The following ULK2 variants were observed in gnomAD, a reference collection of about 807,000 sequenced individuals.
ULK2 encodes unc-51 like autophagy activating kinase 2.
Under a neutral mutation model 127.5 loss-of-function variants are expected in ULK2, and 76 were observed. The observed-to-expected ratio is 0.60, with a 90% CI of 0.50 to 0.72. ULK2 has a LOEUF of 0.72. ULK2 is among the 30% of genes least tolerant of loss of function. ULK2 has a pLI of 0.00. For missense variants in ULK2, 1,144 were observed against 1,295.9 expected (o/e 0.88, Z 1.80); for synonymous variants, 452 against 461.9 (o/e 0.98, Z 0.28).
At chr17:19,807,060 G>A (rs180791354) in intron 14 of ULK2, among the ~76,000 whole-genome samples, 5 of 152,286 alleles carry the variant, frequency 3.3e-5, no homozygotes, top group Admixed American at 3.3e-4. Context: ...GGAAAGCAAG[G>A]GTTCAGCTGG....
In ULK2 at chr17:19,827,123, T is replaced by C. The variant is rs2041316573; in HGVS notation, c.788-937A>G. Among the ~76,000 whole-genome samples the C allele has an allele frequency of 2.6e-5, 4 of 152,302 alleles. No individual in the cohort carries two copies. The South Asian group carries it at 8.3e-4, about 32-fold the overall frequency. On this transcript the variant is annotated intron_variant, in intron 10 of 26. Transcript: ENST00000395544. ...ATTTCCAACTACATGAACTTAATTTTAGTCCAACTTTACAAAACATTAAGA... is the reference window on the plus strand; with the variant it reads ...ATTTCCAACTACATGAACTTAATTTCAGTCCAACTTTACAAAACATTAAGA...
chr17:19,801,585 T>G (rs1242361822), intron 16 of ULK2, among the ~76,000 whole-genome samples, 192 bp downstream of exon 16: 1 of 151,668 alleles, frequency 6.6e-6, no homozygotes, highest in Non-Finnish European at 1.5e-5. Context: ...TTGTCTCAAA[T>G]AGAGAAAGAA....
At chr17:19,777,347 C>T (rs543526146) in intron 26 of ULK2, among the ~76,000 whole-genome samples, 3 of 152,284 alleles carry the variant, frequency 2.0e-5, no homozygotes, top group Admixed American at 6.5e-5. Context: ...TCAGGTGATC[C>T]GCCCACCTTG....
At chr17:19,842,200 T>C (rs1338631941) in intron 8 of ULK2, among the ~76,000 whole-genome samples, 2 of 145,624 alleles carry the variant, frequency 1.4e-5, no homozygotes, top group East Asian at 4.0e-4. Flanking sequence ...CTTTTTTTTT[T>C]TTTTTTTTTT....
At chr17:19,863,591 T>G (rs1207128554) in intron 3 of ULK2, among the ~76,000 whole-genome samples, 3 of 151,644 alleles carry the variant, frequency 2.0e-5, no homozygotes, top group Non-Finnish European at 2.9e-5. Flanking sequence ...CTTGAACTCC[T>G]GTGCTCAAGC....
chr17:19,795,755 G>C, intron 19 of ULK2, 30 bp from the exon 20 acceptor site: 1 of 1,594,876 alleles, frequency 6.3e-7, no homozygotes, highest in Non-Finnish European at 8.6e-7. Flanking sequence ...TTTTAATAAA[G>C]GAAAAGTATA....
Position 19,867,386 on chromosome 17 carries a change from T to C in ULK2, c.32A>G (p.Lys11Arg), listed in dbSNP as rs745460097. Reference protein sequence around the residue: MEVVGDFEYSKRDLVGHGAFA... With the variant: MEVVGDFEYSRRDLVGHGAFA... ...GGCCCCGTGTCCCACGAGATCCCTC[T>C]TGCTGTACTCGAAGTCACCCACCAC... The change falls in exon 1 of 27, where the codon AAG (lysine) becomes AGG (arginine). Residue 11 changes from lysine (K) to arginine (R), a missense_variant. Physicochemically the swap from Lys to Arg is conservative, Grantham distance 26. Coordinates refer to ENST00000395544, the MANE Select transcript of ULK2 (RefSeq NM_014683.4). 4 of 1,601,790 alleles carry C rather than the reference T, an allele frequency of 2.5e-6. No homozygotes were observed. Among genetic ancestry groups the C allele is most frequent in the Admixed American group, 1.7e-5 (1 of 59,350 alleles).
At chr17:19,838,656 A>G in intron 9 of ULK2, 73 bp from the exon 10 acceptor site, 2 of 1,285,274 alleles carry the variant, frequency 1.6e-6, no homozygotes, top group Non-Finnish European at 2.2e-6. Flanking sequence ...TGCCTTCCAT[A>G]TAGTAAACTA....
chr17:19,803,442 C>A (rs1332610280), intron 15 of ULK2, among the ~76,000 whole-genome samples: 2 of 152,250 alleles, frequency 1.3e-5, no homozygotes, highest in Non-Finnish European at 2.9e-5. Flanking sequence ...TAGCTTTATC[C>A]ATCTTTGCAT....
intron 10 of ULK2, among the ~76,000 whole-genome samples, chr17:19,826,870 T>C (rs2041309748): frequency 6.7e-6 from 1 of 150,080 alleles, no homozygotes; most frequent in Non-Finnish European, 1.5e-5. Context: ...GGCAGGAGAA[T>C]GGCGTGAACC....
At chr17:19,864,499 T>C (rs2042312891) in intron 3 of ULK2, among the ~76,000 whole-genome samples, 1 of 152,054 alleles carries the variant, frequency 6.6e-6, no homozygotes, top group East Asian at 1.9e-4. Context: ...CTATTTTTAA[T>C]TGTCCTTTCA....
chr17:19,848,120 T>G (rs993794192), intron 5 of ULK2: 10 of 152,088 alleles, frequency 6.6e-5, no homozygotes, highest in Non-Finnish European at 1.5e-5. Flanking sequence ...CAGAGAAGAT[T>G]AGCAAAAAAT....
rs933081184 is a variant in ULK2 at position 19,773,525 on chromosome 17, T to C, written c.*2824A>G. ...ACTTATCAGTCTTCACTAGAGGTTG[T>C]TTCTCTCAACTAAAGTTATCAAAAT... On this transcript the variant is annotated 3_prime_UTR_variant, in exon 27 of 27. Transcript: ENST00000395544. The C allele has an allele frequency of 2.0e-5, 3 of 152,220 alleles. No homozygotes were observed. Among genetic ancestry groups the C allele is most frequent in the Admixed American group, 2.0e-4 (3 of 15,286 alleles). The allele number at this position is 152,220 out of a possible 1,614,324, so 9.4% of individuals were successfully genotyped here. A position where few individuals can be genotyped will look rare whatever the true frequency, so the allele number is the denominator to read the frequency against.
Position 19,797,229 on chromosome 17 carries a change from G to GGAGGTTGTGATGAGCT in ULK2, c.1809+151_1809+166dup, listed in dbSNP as rs559255243. On this transcript the variant is annotated intron_variant, in intron 18 of 26. Coordinates refer to ENST00000395544, the MANE Select transcript of ULK2 (RefSeq NM_014683.4). ...CCAGAATTGTTTGAACCTGGGAGGT[G>GGAGGTTGTGATGAGCT]GAGGTTGTGATGAGCTGAGGTTGTG... Among the ~76,000 whole-genome samples, 467 of 152,258 alleles carry GGAGGTTGTGATGAGCT rather than the reference G, an allele frequency of 3.1e-3. 3 individuals are homozygous for GGAGGTTGTGATGAGCT. Among genetic ancestry groups the GGAGGTTGTGATGAGCT allele is most frequent in the Non-Finnish European group, 4.7e-3 (320 of 68,012 alleles).
At chr17:19,794,688 T>C (rs2087226397) in intron 20 of ULK2, among the ~76,000 whole-genome samples, 1 of 150,184 alleles carries the variant, frequency 6.7e-6, no homozygotes. Flanking sequence ...ATTTCCTCCT[T>C]TGGATGCTCA....
intron 25 of ULK2, among the ~76,000 whole-genome samples, chr17:19,780,153 GAC>G (rs1282486897): frequency 1.4e-5 from 2 of 146,942 alleles, no homozygotes; most frequent in Non-Finnish European, 3.0e-5. Flanking sequence ...CAGCCTGGGC[GAC>G]AGAGTAACTC....
At chr17:19,781,130 G>T in intron 23 of ULK2, 26 bp from the exon 24 acceptor site, 1 of 1,607,134 alleles carries the variant, frequency 6.2e-7, no homozygotes, top group Non-Finnish European at 8.5e-7. Context: ...AGTAGCAGAG[G>T]GTTATCTTGT....
chr17:19,792,633 C>G (rs1426891023), intron 20 of ULK2, among the ~76,000 whole-genome samples: 2 of 152,054 alleles, frequency 1.3e-5, no homozygotes, highest in Non-Finnish European at 2.9e-5. Context: ...CAATCTCCAC[C>G]AAAAACCCGG....
At chr17:19,832,242 G>A (rs1306684704) in intron 10 of ULK2, among the ~76,000 whole-genome samples, 1 of 150,750 alleles carries the variant, frequency 6.6e-6, no homozygotes, top group Non-Finnish European at 1.5e-5. Flanking sequence ...ATAAAGATTG[G>A]AGTCAAGATA....
Sources: allele counts gnomAD v4.1 joint callset (sites outside exome capture counted in the v4.1 genomes callset), GRCh38; gene constraint gnomAD v4.1.1; transcripts MANE v1.5; gene names NCBI Gene and HGNC (gene_info 2026-07-23, HGNC 2026-07-21).